LIPH: variants seen among roughly 807,000 people sequenced by gnomAD.
LIPH encodes lipase member H.
Under a neutral mutation model 47.6 loss-of-function variants are expected in LIPH, and 32 were observed. That is an observed-to-expected ratio of 0.67 (90% confidence interval 0.51 to 0.90). The LOEUF (loss-of-function observed/expected upper bound fraction) is 0.90. LIPH is among the 40% of genes least tolerant of loss of function. The pLI is 0.00. For synonymous variants in LIPH, 190 were observed against 195.6 expected, an observed-to-expected ratio of 0.97 and a Z score of 0.24; for missense variants, 497 against 541.4, an observed-to-expected ratio of 0.92 and a Z score of 0.81.
At chr3:185,522,653 AGAAAGAAAGAAAGAAAGAAAGAAAG>A (rs1455462076) in intron 5 of LIPH, among the ~76,000 whole-genome samples, 4 of 13,744 alleles carry the variant, frequency 2.9e-4, no homozygotes, top group Non-Finnish European at 5.5e-4. Flanking sequence ...AGAAAGAAAA[AGAAAGAAAGAAAGAAAGAAAGAAAG>A]AAAGAAAGAA....
At chr3:185,537,109 T>C in intron 1 of LIPH, among the ~76,000 whole-genome samples, 1 of 152,198 alleles carries the variant, frequency 6.6e-6, no homozygotes, top group East Asian at 1.9e-4. Context: ...GGTCTTGAAC[T>C]CCTGACCTCG....
Position 185,519,272 on chromosome 3 carries a change from T to G in LIPH, c.756A>C (p.Val252=), listed in dbSNP as rs1029949192. The G allele has an allele frequency of 1.3e-5, 21 of 1,613,248 alleles. No homozygotes were observed. Among genetic ancestry groups the G allele is most frequent in the Non-Finnish European group, 1.8e-5 (21 of 1,179,328 alleles). ...CTCTCAGGGAAGACAGGTACAGGTA[T>G]ACAGACCTCTGGTGGTCACATTTAA... ...QYFKCDHQRS[V]YLYLSSLRES... Residue 252 remains valine, a synonymous_variant, in exon 6 of 10, where the codon GTA becomes GTC. Coordinates refer to ENST00000296252, the MANE Select transcript of LIPH (RefSeq NM_139248.3).
chr3:185,529,638 C>A (rs1412587929), intron 3 of LIPH, among the ~76,000 whole-genome samples: 1 of 151,364 alleles, frequency 6.6e-6, no homozygotes, highest in African/African-American at 2.4e-5. Flanking sequence ...CATCTATAAT[C>A]CTAGAGTTTG....
intron 5 of LIPH, among the ~76,000 whole-genome samples, chr3:185,521,573 C>T (rs368137989): frequency 6.1e-4 from 93 of 152,264 alleles, no homozygotes; most frequent in South Asian, 1.2e-3. Flanking sequence ...TCAAAGGCAA[C>T]GGGGCCTGGC....
chr3:185,517,940 A>G (rs909924441), intron 6 of LIPH, among the ~76,000 whole-genome samples: 4 of 152,160 alleles, frequency 2.6e-5, no homozygotes, highest in Non-Finnish European at 5.9e-5. Flanking sequence ...AGCAGCCTCC[A>G]CAATATCTAT....
chr3:185,528,356 A>AAGAAAGAAAGAAAGAG, intron 3 of LIPH, among the ~76,000 whole-genome samples: 1 of 150,280 alleles, frequency 6.7e-6, no homozygotes, highest in Non-Finnish European at 1.5e-5. Flanking sequence ...GAAAGAAAGA[A>AAGAAAGAAAGAAAGAG]AGCGCTATAC....
At position 185,535,091 on chromosome 3, in the gene LIPH, GA is replaced by G. The variant is rs1720464437; in HGVS notation, c.90del (p.His31ThrfsTer9). The G allele has an allele frequency of 6.2e-7, 1 of 1,614,058 alleles. No homozygotes were observed. Among genetic ancestry groups the G allele is most frequent in the African/African-American group, 1.3e-5 (1 of 74,922 alleles). ...ETCPSFTRLS[F>X]HSAVVGTGLN... ...AGTCCCGTACCAACCACTGCACTGT[GA>G]AAGCTCAGCCTGGTGAATGAAGGAC... On this transcript the variant is annotated frameshift_variant, in exon 2 of 10. Coordinates refer to ENST00000296252, the MANE Select transcript of LIPH (RefSeq NM_139248.3). LOFTEE classifies it high-confidence loss of function.
chr3:185,533,125 G>A (rs936612223), intron 3 of LIPH, among the ~76,000 whole-genome samples: 1 of 152,136 alleles, frequency 6.6e-6, no homozygotes, highest in Non-Finnish European at 1.5e-5. Context: ...GTGTTGGCCC[G>A]AAAGCTGATA....
At chr3:185,535,205 T>C (rs1720468617) in intron 1 of LIPH, 73 bp from the exon 2 acceptor site, 11 of 1,547,152 alleles carry the variant, frequency 7.1e-6, no homozygotes, top group Non-Finnish European at 9.8e-6. Flanking sequence ...TGCTGTTCTA[T>C]ATTTGTAGGA....
At chr3:185,527,634 G>A (rs746024950) in intron 3 of LIPH, 49 bp from the exon 4 acceptor site, 4 of 1,211,592 alleles carry the variant, frequency 3.3e-6, no homozygotes, top group African/African-American at 1.5e-5. Context: ...TGAGTCACCT[G>A]CAGCCGGGCC....
At chr3:185,544,717 C>T (rs528529872) in intron 1 of LIPH, among the ~76,000 whole-genome samples, 2 of 152,208 alleles carry the variant, frequency 1.3e-5, no homozygotes, top group African/African-American at 2.4e-5. Context: ...GCATTATTTC[C>T]TTTTTCCAGA....
chr3:185,535,124 CT>C lies in LIPH; in HGVS notation c.57del (p.Glu20LysfsTer9). On this transcript the variant is annotated frameshift_variant, in exon 2 of 10. Coordinates refer to ENST00000296252, the MANE Select transcript of LIPH (RefSeq NM_139248.3). ...AGCCTGGTGAATGAAGGACATGTTT[CT>C]TCTGCGTCTGAAAATAAAAATTAGA... The part of the protein sequence containing the change: ...SLLCLSRSDA[E>X]ETCPSFTRLS... 1 of 1,614,066 alleles carries C rather than the reference CT, an allele frequency of 6.2e-7. No individual in the cohort carries two copies. Among genetic ancestry groups the C allele is most frequent in the Non-Finnish European group, 8.5e-7 (1 of 1,180,024 alleles).
intron 3 of LIPH, among the ~76,000 whole-genome samples, chr3:185,533,213 C>T (rs612304): frequency 0.92 from 140,025 of 152,228 alleles, 64,733 homozygotes; most frequent in East Asian, 0.99. Flanking sequence ...GGGACTGAAG[C>T]GTATTAGGTT....
chr3:185,532,590 G>A (rs181920460), intron 3 of LIPH, among the ~76,000 whole-genome samples: 352 of 152,124 alleles, frequency 2.3e-3, no homozygotes, highest in African/African-American at 8.2e-3. Flanking sequence ...AGGAGTTCGA[G>A]ACCAGCCTGG....
chr3:185,548,745 A>AAAAACAAAAC lies in LIPH; in HGVS notation c.49+3668_49+3677dup, dbSNP rs199898458. Reference sequence around the variant, plus strand: ...CTCCATCTCAGAAACAAAACAAAACAAAAACAAAACAAAACAAAACAAAAC... The same window carrying AAAAACAAAAC: ...CTCCATCTCAGAAACAAAACAAAACAAAAACAAAACAAAACAAAACAAAACAAAACAAAAC... On this transcript the variant is annotated intron_variant, in intron 1 of 9. Coordinates refer to ENST00000296252, the MANE Select transcript of LIPH (RefSeq NM_139248.3). Among the ~76,000 whole-genome samples, 891 of 151,492 alleles carry AAAAACAAAAC rather than the reference A, an allele frequency of 5.9e-3. 12 individuals are homozygous for AAAAACAAAAC. Among genetic ancestry groups the AAAAACAAAAC allele is most frequent in the African/African-American group, 0.019 (774 of 41,158 alleles).
intron 1 of LIPH, chr3:185,546,959 A>C: frequency 2.2e-6 from 1 of 445,002 alleles, no homozygotes; most frequent in Non-Finnish European, 4.5e-6. Flanking sequence ...CCTCATTCAT[A>C]TCCAAAGAGG....
chr3:185,530,155 G>A (rs898066073), intron 3 of LIPH, among the ~76,000 whole-genome samples: 2 of 152,136 alleles, frequency 1.3e-5, no homozygotes, highest in Admixed American at 6.6e-5. Flanking sequence ...TCCAGCCTGG[G>A]TGGCAAAGTA....
chr3:185,534,852 T>C lies in LIPH; in HGVS notation c.330A>G (p.Arg110=). The C allele has an allele frequency of 1.2e-6, 2 of 1,614,174 alleles. No individual in the cohort carries two copies. Among genetic ancestry groups the C allele is most frequent in the Non-Finnish European group, 1.7e-6 (2 of 1,179,990 alleles). The part of the protein sequence containing the change: ...DMNVVVVDWN[R]GATTLIYTHA... ...GGGTATATATTAAAGTTGTAGCTCC[T>C]CGATTCCAATCAACAACAACTACGT... is the stretch of plus-strand genomic sequence containing the variant. Residue 110 remains arginine, a synonymous_variant, in exon 2 of 10, where the codon CGA becomes CGG. Coordinates refer to ENST00000296252, the MANE Select transcript of LIPH (RefSeq NM_139248.3).
chr3:185,531,573 AG>A (rs1268238896), intron 3 of LIPH, among the ~76,000 whole-genome samples: 1 of 149,764 alleles, frequency 6.7e-6, no homozygotes, highest in African/African-American at 2.5e-5. Flanking sequence ...AAAAAAAAAA[AG>A]AAGAAGACTT....
Sources: allele counts gnomAD v4.1 joint callset (sites outside exome capture counted in the v4.1 genomes callset), GRCh38; gene constraint gnomAD v4.1.1; transcripts MANE v1.5; gene names NCBI Gene and HGNC (gene_info 2026-07-23, HGNC 2026-07-21).